VPS13B: variants seen among roughly 807,000 people sequenced by gnomAD.
VPS13B encodes vacuolar protein sorting 13 homolog B.
A neutral mutation model predicts 426.4 loss-of-function variants in VPS13B; 285 were observed. The ratio of observed to expected loss-of-function variants is 0.67; its 90% CI spans 0.61 to 0.74. VPS13B has a LOEUF of 0.74. Ranked by LOEUF, VPS13B falls within the 30% of genes least tolerant of loss-of-function variation. The probability of loss-of-function intolerance (pLI) is 0.00; values close to 1 mark genes in which losing one functional copy is unlikely to be tolerated. For missense variants in VPS13B, 4,537 were observed against 4,782.6 expected, an observed-to-expected ratio of 0.95 and a Z score of 1.51; for synonymous variants, 1,676 against 1,676.4, an observed-to-expected ratio of 1.00 and a Z score of 0.01.
At chr8:99,401,601 C>G (rs538886542) in intron 21 of VPS13B, among the ~76,000 whole-genome samples, 1 of 152,268 alleles carries the variant, frequency 6.6e-6, no homozygotes, top group East Asian at 1.9e-4. Flanking sequence ...CACAGTGGCT[C>G]ACACCTGTAA....
intron 30 of VPS13B, among the ~76,000 whole-genome samples, chr8:99,526,949 A>G (rs1431750042): frequency 6.6e-6 from 1 of 152,178 alleles, no homozygotes. Flanking sequence ...ACTGTGTTAT[A>G]CTGATATGCC....
At chr8:99,396,113 T>C (rs1814714491) in intron 21 of VPS13B, among the ~76,000 whole-genome samples, 1 of 152,096 alleles carries the variant, frequency 6.6e-6, no homozygotes, top group Non-Finnish European at 1.5e-5. Context: ...TGATAATTAA[T>C]TATGGTTGTG....
chr8:99,675,226 G>C (rs893254754), intron 35 of VPS13B, among the ~76,000 whole-genome samples: 12 of 152,076 alleles, frequency 7.9e-5, no homozygotes, highest in African/African-American at 2.9e-4. Context: ...TTGCAGGTTA[G>C]TTAATTAGTT....
chr8:99,336,172 A>T (rs1180472168), intron 19 of VPS13B, among the ~76,000 whole-genome samples: 3 of 152,172 alleles, frequency 2.0e-5, no homozygotes, highest in Non-Finnish European at 4.4e-5. Context: ...AGAGATATAG[A>T]TCAATGGAAC....
chr8:99,091,680 AT>A (rs1441079830), intron 3 of VPS13B: 1 of 152,126 alleles, frequency 6.6e-6, no homozygotes, highest in African/African-American at 2.4e-5. Flanking sequence ...CTCTGAGTAA[AT>A]GACTTTATTT....
chr8:99,384,055 C>G (rs1463500023), intron 19 of VPS13B, among the ~76,000 whole-genome samples, 153 bp from the exon 20 acceptor site: 1 of 152,182 alleles, frequency 6.6e-6, no homozygotes, highest in Non-Finnish European at 1.5e-5. Flanking sequence ...TTCCTACCAG[C>G]AATGTATCAG....
intron 31 of VPS13B, among the ~76,000 whole-genome samples, chr8:99,568,296 A>ATTT (rs1278846975): frequency 1.9e-5 from 2 of 107,946 alleles, no homozygotes; most frequent in African/African-American, 7.2e-5. Flanking sequence ...TATTATTATT[A>ATTT]TTATTTTTTT....
intron 5 of VPS13B, among the ~76,000 whole-genome samples, chr8:99,103,927 T>C (rs1375037787): frequency 1.3e-5 from 2 of 152,224 alleles, no homozygotes; most frequent in Non-Finnish European, 2.9e-5. Flanking sequence ...TGAGCCACCA[T>C]ACCTGGCCTA....
chr8:99,515,386 G>GCTGCTT (rs1822005080), intron 29 of VPS13B, among the ~76,000 whole-genome samples: 1 of 151,452 alleles, frequency 6.6e-6, no homozygotes, highest in Non-Finnish European at 1.5e-5. Context: ...TGCTGCTGCT[G>GCTGCTT]CTGCTGCTTC....
chr8:99,650,221 A>G (rs1299093298), intron 34 of VPS13B, among the ~76,000 whole-genome samples: 5 of 152,190 alleles, frequency 3.3e-5, no homozygotes, highest in Non-Finnish European at 7.3e-5. Context: ...CATATAGCCT[A>G]ATCAGTAATT....
At chr8:99,223,707 A>G (rs182401210) in intron 17 of VPS13B, among the ~76,000 whole-genome samples, 27 of 152,312 alleles carry the variant, frequency 1.8e-4, no homozygotes, top group African/African-American at 6.0e-4. Context: ...GCTCTAGATA[A>G]TGAAATATTT....
intron 39 of VPS13B, among the ~76,000 whole-genome samples, chr8:99,762,949 G>A (rs138361403): frequency 4.6e-5 from 7 of 151,714 alleles, no homozygotes; most frequent in Admixed American, 4.6e-4. Flanking sequence ...ACTAGCCTGG[G>A]CAACAGAGGG....
chr8:99,787,614 C>T (rs1812332828), intron 43 of VPS13B, among the ~76,000 whole-genome samples: 2 of 152,104 alleles, frequency 1.3e-5, no homozygotes, highest in Non-Finnish European at 2.9e-5. Flanking sequence ...CATTATGCTA[C>T]GTTGAATCTA....
chr8:99,179,302 GA>G (rs1403798278), intron 16 of VPS13B, among the ~76,000 whole-genome samples: 1 of 152,102 alleles, frequency 6.6e-6, no homozygotes. Flanking sequence ...GTTTTTGGAA[GA>G]TCTAATTATG....
intron 17 of VPS13B, among the ~76,000 whole-genome samples, chr8:99,221,679 A>G (rs1398125591): frequency 2.0e-5 from 3 of 152,058 alleles, no homozygotes; most frequent in Non-Finnish European, 4.4e-5. Flanking sequence ...TTGGTGGCCA[A>G]TTTTGCAGAC....
intron 30 of VPS13B, among the ~76,000 whole-genome samples, chr8:99,533,228 C>T (rs964377338): frequency 2.0e-5 from 3 of 152,068 alleles, no homozygotes; most frequent in Admixed American, 6.5e-5. Flanking sequence ...CATGAGCCGT[C>T]GTACCTGGCC....
chr8:99,313,282 T>C (rs985853657), intron 19 of VPS13B, among the ~76,000 whole-genome samples: 3 of 152,236 alleles, frequency 2.0e-5, no homozygotes, highest in African/African-American at 7.2e-5. Flanking sequence ...GTCTGTTTTT[T>C]CTGCATCTTT....
At chr8:99,157,639 T>C (rs1811431875) in intron 15 of VPS13B, among the ~76,000 whole-genome samples, 1 of 152,184 alleles carries the variant, frequency 6.6e-6, no homozygotes, top group Non-Finnish European at 1.5e-5. Context: ...CAATGGCCTG[T>C]AAATCTTCAA....
At chr8:99,077,254 C>T (rs1845182042) in intron 3 of VPS13B, among the ~76,000 whole-genome samples, 1 of 152,156 alleles carries the variant, frequency 6.6e-6, no homozygotes, top group African/African-American at 2.4e-5. Context: ...CTCACTGCAA[C>T]CTCCGCCTCC....
Sources: gnomAD v4.1 joint callset for allele counts (sites outside exome capture counted in the v4.1 genomes callset) on GRCh38, gnomAD v4.1.1 for gene constraint, MANE v1.5 for transcripts, NCBI Gene and HGNC (gene_info 2026-07-23, HGNC 2026-07-21) for gene names.